ZFAND6: variants seen among roughly 807,000 people sequenced by gnomAD.
ZFAND6 encodes the protein zinc finger AN1-type containing 6, also known as AN1-type zinc finger protein 6.
Under a neutral mutation model 24.5 loss-of-function variants are expected in ZFAND6, and 12 were observed. That is an observed-to-expected ratio of 0.49 (90% CI 0.31 to 0.79). ZFAND6 has a LOEUF of 0.79. ZFAND6 is among the 30% of genes least tolerant of loss of function. The pLI is 0.04. For synonymous variants in ZFAND6, 92 were observed against 81.5 expected, an observed-to-expected ratio of 1.13 and a Z score of -0.69; for missense variants, 207 against 245.9, an observed-to-expected ratio of 0.84 and a Z score of 1.06.
At chr15:80,107,044 C>G (rs1244681085) in intron 2 of ZFAND6, among the ~76,000 whole-genome samples, 1 of 151,984 alleles carries the variant, frequency 6.6e-6, no homozygotes, top group Admixed American at 6.6e-5. Context: ...GAAACCCCGT[C>G]TCTACTAAAA....
At chr15:80,110,172 A>G (rs952582744) in intron 2 of ZFAND6, among the ~76,000 whole-genome samples, 2 of 152,206 alleles carry the variant, frequency 1.3e-5, no homozygotes, top group South Asian at 2.1e-4. Flanking sequence ...CATTACTTCC[A>G]TGGTATTCTG....
At position 80,073,290 on chromosome 15, in the gene ZFAND6, G is replaced by A. The variant is rs186885474; in HGVS notation, c.-181+13481G>A. On this transcript the variant is annotated intron_variant, in intron 1 of 6. Coordinates refer to ENST00000261749, the MANE Select transcript of ZFAND6 (RefSeq NM_019006.4). Reference sequence around the variant, plus strand: ...GGTGGAGATAAGTAATTAACATTTCGAAACAGGAAATGAAAGGATTTATAT... The same window carrying A: ...GGTGGAGATAAGTAATTAACATTTCAAAACAGGAAATGAAAGGATTTATAT... The A allele has an allele frequency of 1.5e-4, 49 of 334,964 alleles. No homozygotes were observed. The East Asian group carries it at 2.5e-3, about 17-fold the overall frequency. The allele number at this position is 334,964 out of a possible 1,614,324, so 20.7% of individuals were successfully genotyped here.
At chr15:80,084,778 TGAGGATACA>T (rs1567060975) in intron 1 of ZFAND6, among the ~76,000 whole-genome samples, 1 of 152,210 alleles carries the variant, frequency 6.6e-6, no homozygotes, top group Non-Finnish European at 1.5e-5. Flanking sequence ...TATTAGACTC[TGAGGATACA>T]GAGATAAATA....
At chr15:80,085,752 T>C (rs1477414661) in intron 1 of ZFAND6, among the ~76,000 whole-genome samples, 1 of 152,178 alleles carries the variant, frequency 6.6e-6, no homozygotes, top group East Asian at 1.9e-4. Context: ...TGTGTGTGTG[T>C]TTAACTTTAG....
At chr15:80,097,571 C>T (rs964047261) in intron 1 of ZFAND6, among the ~76,000 whole-genome samples, 4 of 152,014 alleles carry the variant, frequency 2.6e-5, no homozygotes, top group African/African-American at 9.7e-5. Flanking sequence ...ATCTCTTGAA[C>T]CTGGGAGGCA....
chr15:80,115,679 A>G (rs1226769427), intron 2 of ZFAND6, among the ~76,000 whole-genome samples: 1 of 152,170 alleles, frequency 6.6e-6, no homozygotes, highest in Non-Finnish European at 1.5e-5. Flanking sequence ...CGATTAATAA[A>G]TAAGACTGAT....
At chr15:80,095,938 C>T (rs767242273) in intron 1 of ZFAND6, among the ~76,000 whole-genome samples, 1 of 152,190 alleles carries the variant, frequency 6.6e-6, no homozygotes, top group Non-Finnish European at 1.5e-5. Flanking sequence ...CAGTATCACA[C>T]TTAACATATG....
intron 1 of ZFAND6, among the ~76,000 whole-genome samples, chr15:80,098,208 C>T (rs1311224328): frequency 1.3e-5 from 2 of 152,102 alleles, no homozygotes; most frequent in African/African-American, 4.8e-5. Context: ...TAGTCTGTGG[C>T]CAGGTATAGA....
chr15:80,120,703 C>G (rs1198081090), intron 3 of ZFAND6: 4 of 342,276 alleles, frequency 1.2e-5, no homozygotes, highest in Non-Finnish European at 2.0e-5. Flanking sequence ...ACTGTAAATT[C>G]ATACCATAAT....
At chr15:80,071,362 A>G (rs1156312889) in intron 1 of ZFAND6, among the ~76,000 whole-genome samples, 3 of 152,206 alleles carry the variant, frequency 2.0e-5, no homozygotes, top group Non-Finnish European at 4.4e-5. Context: ...ATAAGCTTTA[A>G]TTTCGAGTTT....
chr15:80,108,336 G>A (rs1162397901), intron 2 of ZFAND6, among the ~76,000 whole-genome samples: 3 of 152,114 alleles, frequency 2.0e-5, no homozygotes, highest in East Asian at 1.9e-4. Context: ...TTGGGGGGAA[G>A]TACAAAGTCT....
Position 80,137,535 on chromosome 15 carries a change from A to C in ZFAND6, c.534A>C (p.Val178=). Residue 178 remains valine (V), a synonymous_variant, in exon 7 of 7, where the codon GTA becomes GTC. Transcript: ENST00000261749. ...GTGGTGTACACCGTTACTCAGATGT[A>C]CACAATTGCTCTTACAATTACAAAG... ...VYCGVHRYSD[V]HNCSYNYKAD... 6.2e-7 allele frequency: 1 copy of C among 1,607,852 alleles called. No individual in the cohort carries two copies. Among genetic ancestry groups the C allele is most frequent in the Non-Finnish European group, 8.5e-7 (1 of 1,178,356 alleles).
intron 1 of ZFAND6, among the ~76,000 whole-genome samples, chr15:80,083,752 A>G (rs991673868): frequency 2.0e-5 from 3 of 152,238 alleles, no homozygotes; most frequent in African/African-American, 7.2e-5. Context: ...TCAGCTGGGC[A>G]TGGTGGTGAG....
intron 2 of ZFAND6, among the ~76,000 whole-genome samples, chr15:80,107,385 T>G (rs1179621741): frequency 6.6e-6 from 1 of 152,136 alleles, no homozygotes; most frequent in African/African-American, 2.4e-5. Flanking sequence ...CCTTGTCATA[T>G]AACGACAACT....
At chr15:80,077,008 A>C (rs1255521368) in intron 1 of ZFAND6, among the ~76,000 whole-genome samples, 1 of 152,244 alleles carries the variant, frequency 6.6e-6, no homozygotes, top group Non-Finnish European at 1.5e-5. Context: ...AATGAGGCAC[A>C]GGCAAAGTAA....
At position 80,100,787 on chromosome 15, in the gene ZFAND6, A is replaced by G. The variant is rs540326734; in HGVS notation, c.-18+2209A>G. On this transcript the variant is annotated intron_variant, in intron 2 of 6. Coordinates refer to ENST00000261749, the MANE Select transcript of ZFAND6 (RefSeq NM_019006.4). ...TAAAATGAAGTTTTTGGGCTATATA[A>G]GGCCATGTAACATGGTCATGTACAC... Among the ~76,000 whole-genome samples the G allele has an allele frequency of 2.0e-5, 3 of 152,284 alleles. No homozygotes were observed. The South Asian group carries it at 6.2e-4, about 32-fold the overall frequency.
chr15:80,067,053 ACTG>A (rs2036689677), intron 1 of ZFAND6, among the ~76,000 whole-genome samples: 2 of 152,220 alleles, frequency 1.3e-5, no homozygotes, highest in Admixed American at 6.5e-5. Context: ...TGTGAAGAGA[ACTG>A]CTGGCACAAA....
At chr15:80,128,997 T>G (rs1307395112) in intron 5 of ZFAND6, among the ~76,000 whole-genome samples, 1 of 152,250 alleles carries the variant, frequency 6.6e-6, no homozygotes, top group Non-Finnish European at 1.5e-5. Context: ...AATGGGTTTT[T>G]TTGAATTTTT....
chr15:80,065,437 GT>G (rs753008552), intron 1 of ZFAND6, among the ~76,000 whole-genome samples: 3 of 149,356 alleles, frequency 2.0e-5, no homozygotes, highest in African/African-American at 7.4e-5. Flanking sequence ...TTCTGTTATT[GT>G]TTAAGTCTCC....
Sources: allele counts gnomAD v4.1 joint callset (sites outside exome capture counted in the v4.1 genomes callset), GRCh38; gene constraint gnomAD v4.1.1; transcripts MANE v1.5; gene names NCBI Gene and HGNC (gene_info 2026-07-23, HGNC 2026-07-21).